Variants in LRRK2 observed in about 807,000 individuals in gnomAD.
LRRK2 encodes leucine rich repeat kinase 2.
In LRRK2, 203 loss-of-function variants were observed where a neutral mutation model predicts 302.6. The observed-to-expected ratio is 0.67, with a 90% confidence interval of 0.60 to 0.75. The LOEUF (loss-of-function observed/expected upper bound fraction) is 0.75, where lower values mean the gene tolerates loss of function less well. Ranked by LOEUF, LRRK2 falls within the 30% of genes least tolerant of loss-of-function variation. The pLI is 0.00. For synonymous variants in LRRK2, 1,066 were observed against 1,031.9 expected, an observed-to-expected ratio of 1.03 and a Z score of -0.63; for missense variants, 2,830 against 2,951.0, an observed-to-expected ratio of 0.96 and a Z score of 0.95.
intron 39 of LRRK2, among the ~76,000 whole-genome samples, chr12:40,332,221 G>A (rs1345214924): frequency 2.0e-5 from 3 of 152,102 alleles, no homozygotes; most frequent in African/African-American, 7.2e-5. Context: ...CTGATGTTGG[G>A]GTCACTTCCC....
intron 13 of LRRK2, among the ~76,000 whole-genome samples, chr12:40,260,149 A>G (rs1394575453): frequency 6.6e-6 from 1 of 152,046 alleles, no homozygotes; most frequent in Non-Finnish European, 1.5e-5. Flanking sequence ...GTCTGTATTC[A>G]TCCAACACAT....
chr12:40,367,450 A>G (rs938761527), intron 50 of LRRK2, 194 bp from the exon 51 acceptor site: 15 of 443,832 alleles, frequency 3.4e-5, no homozygotes, highest in Non-Finnish European at 5.4e-5. Context: ...TTGAAATTTA[A>G]TAGTTTCTAT....
chr12:40,228,041 A>G (rs1940983083), intron 2 of LRRK2: 1 of 152,310 alleles, frequency 6.6e-6, no homozygotes, highest in East Asian at 1.9e-4. Context: ...GGCTGCAATA[A>G]ACATGGGAGT....
At chr12:40,325,413 A>C (rs1945516086) in intron 38 of LRRK2, among the ~76,000 whole-genome samples, 1 of 152,380 alleles carries the variant, frequency 6.6e-6, no homozygotes, top group East Asian at 1.9e-4. Flanking sequence ...TACAGAAAGC[A>C]GTCTAGATAG....
chr12:40,313,858 A>T, intron 31 of LRRK2, 114 bp from the exon 32 acceptor site: 1 of 744,442 alleles, frequency 1.3e-6, no homozygotes, highest in Non-Finnish European at 2.2e-6. Context: ...TTAAAAATGT[A>T]CTTCTGAATA....
Position 40,295,727 on chromosome 12 carries a change from A to G in LRRK2, c.3096+83A>G, listed in dbSNP as rs1340526965. ...TCTAATTTGCATAATTAAGTCGTTT[A>G]AAAGAACATTCTACTTTTGTGTCAC... On this transcript the variant is annotated intron_variant, in intron 23 of 50. Coordinates refer to ENST00000298910, the MANE Select transcript of LRRK2 (RefSeq NM_198578.4). The G allele has an allele frequency of 1.5e-5, 20 of 1,324,354 alleles. No individual in the cohort carries two copies. The African/African-American group carries it at 2.2e-4, about 15-fold the overall frequency. The allele number at this position is 1,324,354 out of a possible 1,614,324, so 82.0% of individuals were successfully genotyped here. A position where few individuals can be genotyped will look rare whatever the true frequency, so the allele number is the denominator to read the frequency against.
Position 40,299,334 on chromosome 12 carries a change from T to C in LRRK2, c.3496+77T>C. The C allele has an allele frequency of 4.7e-6, 7 of 1,493,406 alleles. 1 individual carries two copies. In the South Asian group the frequency reaches 7.0e-5, roughly 15 times the overall value. 92.5% of individuals were successfully genotyped at this position (1,493,406 alleles called of 1,614,324 possible). A position where few individuals can be genotyped will look rare whatever the true frequency, so the allele number is the denominator to read the frequency against. ...GATGAGTCATATATGGACCCTTTAG[T>C]TGTGGATTTAAAAGTGGCATTTCAG... On this transcript the variant is annotated intron_variant, in intron 25 of 50. Transcript: ENST00000298910.
At chr12:40,269,597 G>A (rs1288180512) in intron 14 of LRRK2, among the ~76,000 whole-genome samples, 2 of 152,054 alleles carry the variant, frequency 1.3e-5, no homozygotes, top group Non-Finnish European at 2.9e-5. Flanking sequence ...TGTTACTGCA[G>A]CTTAATTTAA....
chr12:40,323,358 T>C (rs1294111335), intron 38 of LRRK2, 52 bp downstream of exon 38: 1 of 1,447,588 alleles, frequency 6.9e-7, no homozygotes, highest in Non-Finnish European at 9.6e-7. Context: ...ATTTTCTCCT[T>C]ATAATTTAGA....
chr12:40,328,915 C>T (rs993432300), intron 39 of LRRK2, among the ~76,000 whole-genome samples: 17 of 152,174 alleles, frequency 1.1e-4, no homozygotes, highest in Non-Finnish European at 1.8e-4. Context: ...TAGCAAGCTC[C>T]TGACTTCGCC....
At position 40,367,894 on chromosome 12, in the gene LRRK2, A is replaced by G; in HGVS notation, c.*129A>G. On this transcript the variant is annotated 3_prime_UTR_variant, in exon 51 of 51. Transcript: ENST00000298910. ...TAGCTCGTGTGTATGAAGGAATGTT[A>G]TTATTTTTAATTTAAATATATGTAA... The G allele has an allele frequency of 2.8e-6, 2 of 705,466 alleles. No individual in the cohort carries two copies. The highest frequency in any genetic ancestry group is 3.1e-5 in the East Asian group (1 of 32,132). 43.7% of individuals were successfully genotyped at this position (705,466 alleles called of 1,614,324 possible).
At chr12:40,302,353 T>C (rs1944662986) in intron 25 of LRRK2, among the ~76,000 whole-genome samples, 1 of 152,146 alleles carries the variant, frequency 6.6e-6, no homozygotes, top group Non-Finnish European at 1.5e-5. Flanking sequence ...TAGAACACTC[T>C]TTATGAGCTA....
intron 39 of LRRK2, among the ~76,000 whole-genome samples, chr12:40,332,697 C>T (rs1192226173): frequency 6.6e-6 from 1 of 152,030 alleles, no homozygotes; most frequent in Non-Finnish European, 1.5e-5. Flanking sequence ...CCAAATTGAA[C>T]ATTTTATATA....
At chr12:40,265,240 A>G (rs974317802) in intron 14 of LRRK2, among the ~76,000 whole-genome samples, 3 of 152,204 alleles carry the variant, frequency 2.0e-5, no homozygotes, top group Non-Finnish European at 4.4e-5. Flanking sequence ...GGGGTTAGGC[A>G]TTTAGAAGAT....
In LRRK2 at chr12:40,299,207, T is replaced by C. The variant is rs762736323; in HGVS notation, c.3446T>C (p.Leu1149Pro). Residue 1149 changes from leucine to proline, a missense_variant, in exon 25 of 51, where the codon CTT becomes CCT. This residue lies in a region of LRRK2 where 2,121 missense variants were observed against 2,148.0 expected (regional missense o/e 0.99). Transcript: ENST00000298910. ...ATTTCATCCCTATCAGAGAACTTTC[T>C]TGAGGCTTGTCCTAAAGTGGAGAGT... ...NHISSLSENF[L>P]EACPKVESFS... is the part of the protein sequence containing the mutation. 1 of 1,613,708 alleles carries C rather than the reference T, an allele frequency of 6.2e-7. No homozygotes were observed. Among genetic ancestry groups the C allele is most frequent in the Non-Finnish European group, 8.5e-7 (1 of 1,179,818 alleles).
chr12:40,270,171 T>C (rs538274276), intron 14 of LRRK2, among the ~76,000 whole-genome samples: 1 of 152,296 alleles, frequency 6.6e-6, no homozygotes, highest in East Asian at 1.9e-4. Context: ...TTATTACTAT[T>C]AGATTTAAAA....
At chr12:40,361,444 C>T (rs1265950148) in intron 47 of LRRK2, among the ~76,000 whole-genome samples, 1 of 152,026 alleles carries the variant, frequency 6.6e-6, no homozygotes, top group Non-Finnish European at 1.5e-5. Flanking sequence ...CAACTGAACT[C>T]ACAACCCAGA....
chr12:40,253,992 T>G (rs1942392370), intron 11 of LRRK2, among the ~76,000 whole-genome samples: 1 of 152,184 alleles, frequency 6.6e-6, no homozygotes, highest in African/African-American at 2.4e-5. Flanking sequence ...CTTATAAATC[T>G]TATAGCTTTG....
chr12:40,324,999 T>C (rs983091154), intron 38 of LRRK2, among the ~76,000 whole-genome samples: 2 of 152,112 alleles, frequency 1.3e-5, no homozygotes, highest in Non-Finnish European at 2.9e-5. Flanking sequence ...ACAAAGTCTG[T>C]TTAGTTGGCC....
Sources: gnomAD v4.1 joint callset for allele counts (sites outside exome capture counted in the v4.1 genomes callset) on GRCh38, gnomAD v4.1.1 for gene constraint, gnomAD v4.1.1 regional missense constraint, MANE v1.5 for transcripts, NCBI Gene and HGNC (gene_info 2026-07-23, HGNC 2026-07-21) for gene names.